The following AK7 variants were observed in gnomAD, a reference collection of about 807,000 sequenced individuals.
AK7 encodes the protein adenylate kinase 7.
Under a neutral mutation model 96.6 loss-of-function variants are expected in AK7, and 78 were observed. The ratio of observed to expected loss-of-function variants is 0.81; its 90% CI spans 0.67 to 0.97. AK7 has a LOEUF of 0.97. AK7 is among the 50% of genes least tolerant of loss of function. AK7 has a pLI of 0.00. For missense variants in AK7, 855 were observed against 887.9 expected (o/e 0.96, Z 0.47); for synonymous variants, 302 against 317.2 (o/e 0.95, Z 0.51).
intron 12 of AK7, among the ~76,000 whole-genome samples, chr14:96,464,265 T>A (rs1160970066): frequency 6.6e-6 from 1 of 151,782 alleles, no homozygotes; most frequent in African/African-American, 2.4e-5. Context: ...TTGTTAAGAA[T>A]GGTGTACTTG....
chr14:96,478,515 A>T lies in AK7; in HGVS notation c.1606A>T (p.Ile536Leu), dbSNP rs1306231402. ...GGATGAGTTTCTGAAGGAGCGTGTG[A>T]TAAACCTTCCTGAGAGCATCGTGGC... ...ASDEFLKERV[I>L]NLPESIVAGT... Residue 536 changes from isoleucine to leucine, a missense_variant, in exon 15 of 18, where the codon ATA becomes TTA. Coordinates refer to ENST00000267584, the MANE Select transcript of AK7 (RefSeq NM_152327.5). 2.5e-6 allele frequency: 4 copies of T among 1,614,044 alleles called. No homozygotes were observed. The highest frequency in any genetic ancestry group is 1.3e-5 in the African/African-American group (1 of 74,906).
intron 1 of AK7, among the ~76,000 whole-genome samples, chr14:96,394,907 CAG>C (rs796472607): frequency 4.0e-5 from 6 of 151,248 alleles, no homozygotes; most frequent in African/African-American, 1.5e-4. Flanking sequence ...ACCTGGGAGA[CAG>C]AGTTTGCAGT....
chr14:96,455,719 G>A (rs1018007175), intron 10 of AK7, among the ~76,000 whole-genome samples: 1 of 152,140 alleles, frequency 6.6e-6, no homozygotes, highest in African/African-American at 2.4e-5. Context: ...ATCTTCTTAT[G>A]TGGCCCTATC....
chr14:96,401,026 G>A (rs372430145), intron 2 of AK7, among the ~76,000 whole-genome samples: 2 of 152,138 alleles, frequency 1.3e-5, no homozygotes, highest in East Asian at 3.9e-4. Context: ...TGGTCACGGG[G>A]TCCTCAGCAC....
chr14:96,425,193 C>T (rs1164593774), intron 5 of AK7, among the ~76,000 whole-genome samples: 1 of 152,074 alleles, frequency 6.6e-6, no homozygotes, highest in Admixed American at 6.6e-5. Flanking sequence ...AACTAATGTC[C>T]AGTTAGATCC....
At chr14:96,444,519 C>G (rs1893123676) in intron 7 of AK7, among the ~76,000 whole-genome samples, 1 of 152,066 alleles carries the variant, frequency 6.6e-6, no homozygotes, top group African/African-American at 2.4e-5. Context: ...GTCACCCATG[C>G]CAAAGTTCCA....
At chr14:96,472,977 G>C (rs1359094004) in intron 14 of AK7, among the ~76,000 whole-genome samples, 3 of 152,022 alleles carry the variant, frequency 2.0e-5, no homozygotes, top group Admixed American at 6.5e-5. Context: ...AGCTACTCGG[G>C]AGGCTAAGGC....
At chr14:96,438,691 C>A (rs1302867096) in intron 6 of AK7, among the ~76,000 whole-genome samples, 1 of 152,126 alleles carries the variant, frequency 6.6e-6, no homozygotes, top group Non-Finnish European at 1.5e-5. Context: ...AGTTGGACAA[C>A]CATTAGACTG....
chr14:96,485,533 G>A (rs1307824389), intron 16 of AK7, among the ~76,000 whole-genome samples: 2 of 152,126 alleles, frequency 1.3e-5, no homozygotes, highest in South Asian at 2.1e-4. Flanking sequence ...GACTAAAGAG[G>A]TAATATACGT....
At chr14:96,487,859 G>C (rs1454023398) in intron 17 of AK7, 1 of 225,232 alleles carries the variant, frequency 4.4e-6, no homozygotes, top group African/African-American at 2.4e-5. Context: ...ACCCATGTAA[G>C]ATTTTTATTA....
rs1213171636 is a variant in AK7, at chr14:96,392,409, C to A, written c.105+150C>A. 3.4e-5 allele frequency: 21 copies of A among 618,824 alleles called. No homozygotes were observed. The East Asian group carries it at 5.3e-4, about 16-fold the overall frequency. 38.3% of individuals were successfully genotyped at this position (618,824 alleles called of 1,614,324 possible). The stretch of plus-strand genomic sequence containing the variant: ...TCCCGCGTCCTGGGCACCACCAATG[C>A]CCCCTGGACCCCAGTCCGCACCCAG... On this transcript the variant is annotated intron_variant, in intron 1 of 17. Coordinates refer to ENST00000267584, the MANE Select transcript of AK7 (RefSeq NM_152327.5).
chr14:96,442,829 G>A lies in AK7; in HGVS notation c.779+11G>A, dbSNP rs189498856. 4.7e-5 allele frequency: 75 copies of A among 1,609,660 alleles called. No individual in the cohort carries two copies. In the Admixed American group the frequency reaches 9.8e-4, roughly 21 times the overall value. On this transcript the variant is annotated intron_variant, in intron 7 of 17. Coordinates refer to ENST00000267584, the MANE Select transcript of AK7 (RefSeq NM_152327.5). ...TCTTGATCTAGCAGGGTAAGCATTC[G>A]CCCAGAGACGTGACCTTCACAGAAT...
chr14:96,432,206 T>TC (rs1392479955), intron 5 of AK7, among the ~76,000 whole-genome samples: 19 of 131,570 alleles, frequency 1.4e-4, no homozygotes, highest in Non-Finnish European at 2.6e-4. Flanking sequence ...CCCCTGCTTT[T>TC]TTTTTTTTTT....
chr14:96,462,476 C>G (rs375238052), intron 12 of AK7, among the ~76,000 whole-genome samples: 7 of 152,158 alleles, frequency 4.6e-5, no homozygotes, highest in Non-Finnish European at 7.4e-5. Context: ...TCTAGCAAAA[C>G]GAGTTTCCCA....
chr14:96,397,833 G>A (rs951855591), intron 1 of AK7, among the ~76,000 whole-genome samples: 8 of 152,110 alleles, frequency 5.3e-5, no homozygotes, highest in Non-Finnish European at 1.0e-4. Flanking sequence ...TGCAGTATCC[G>A]GAAACAAGTT....
chr14:96,483,270 G>T, intron 16 of AK7, 51 bp downstream of exon 16: 1 of 1,537,348 alleles, frequency 6.5e-7, no homozygotes, highest in South Asian at 1.2e-5. Flanking sequence ...ACAGGGGTGC[G>T]GTGCCTGGCA....
chr14:96,429,314 G>T (rs959553856), intron 5 of AK7, among the ~76,000 whole-genome samples: 2 of 152,030 alleles, frequency 1.3e-5, no homozygotes, highest in Non-Finnish European at 2.9e-5. Context: ...CTGTTCCATT[G>T]GTCTATATAT....
intron 12 of AK7, among the ~76,000 whole-genome samples, chr14:96,462,490 C>G (rs945677317): frequency 6.6e-6 from 1 of 152,102 alleles, no homozygotes; most frequent in Non-Finnish European, 1.5e-5. Flanking sequence ...TTTCCCAGTC[C>G]CACAGTGAGG....
intron 16 of AK7, among the ~76,000 whole-genome samples, chr14:96,486,009 C>T (rs995299986): frequency 1.9e-4 from 29 of 152,134 alleles, no homozygotes; most frequent in Admixed American, 2.0e-4. Context: ...TGGTCTCGAT[C>T]TCCTGACCTC....
Sources: gnomAD v4.1 joint callset for allele counts (sites outside exome capture counted in the v4.1 genomes callset) on GRCh38, gnomAD v4.1.1 for gene constraint, MANE v1.5 for transcripts, NCBI Gene and HGNC (gene_info 2026-07-23, HGNC 2026-07-21) for gene names.